EHMT2: variants seen among roughly 807,000 people sequenced by gnomAD.
EHMT2 encodes histone-lysine N-methyltransferase EHMT2.
Under a neutral mutation model 143.3 loss-of-function variants are expected in EHMT2, and 59 were observed. The ratio of observed to expected loss-of-function variants is 0.41; its 90% CI spans 0.33 to 0.51. EHMT2 has a LOEUF of 0.51. Among genes scored for constraint, EHMT2 ranks in the 20% least tolerant of loss-of-function variants. The pLI is 0.18. For synonymous variants in EHMT2, 604 were observed against 651.5 expected, an observed-to-expected ratio of 0.93 and a Z score of 1.11; for missense variants, 1,174 against 1,645.9, an observed-to-expected ratio of 0.71 and a Z score of 4.96.
rs765727409 is a variant in EHMT2 at position 31,888,381 on chromosome 6, G to A, written c.1491C>T (p.Cys497=). ...CACTCACCGCCGTGCAGAAGTAGCC[G>A]CAGCCCGGGCAGCAGTGGTGTTTGA... Residue 497 remains cysteine (C), a synonymous_variant, in exon 12 of 28, where the codon TGC becomes TGT. Transcript: ENST00000375537. The surrounding 1 kb of genome is among the most constrained non-coding windows in gnomAD (Gnocchi z 7.4). 20 of 1,612,558 alleles carry A rather than the reference G, an allele frequency of 1.2e-5. No individual in the cohort carries two copies. Among genetic ancestry groups the A allele is most frequent in the South Asian group, 1.2e-4 (11 of 91,012 alleles).
chr6:31,894,947 T>G (rs75892141), intron 4 of EHMT2, among the ~76,000 whole-genome samples: 262 of 152,358 alleles, frequency 1.7e-3, no homozygotes, highest in African/African-American at 5.8e-3. Flanking sequence ...ACGCCTGGCC[T>G]ACTGTTAGGA....
Position 31,888,512 on chromosome 6 carries a change from C to T in EHMT2, c.1366-6G>A, listed in dbSNP as rs748049270. On this transcript the variant is annotated splice_region_variant and splice_polypyrimidine_tract_variant and intron_variant, in intron 11 of 27. Coordinates refer to ENST00000375537, the Ensembl canonical transcript of EHMT2. This position sits in a 1 kb window ranked among gnomAD's most constrained non-coding sequence, Gnocchi z 7.4. ...GCGGCATTGCAGCCTGACAGCTGTGCGCAGTGAGGATGGGTGAGAAGAGAG... is the reference window on the plus strand; with the variant it reads ...GCGGCATTGCAGCCTGACAGCTGTGTGCAGTGAGGATGGGTGAGAAGAGAG... The T allele has an allele frequency of 1.6e-5, 25 of 1,611,616 alleles. No individual in the cohort carries two copies. Among genetic ancestry groups the T allele is most frequent in the South Asian group, 3.3e-5 (3 of 90,928 alleles).
At position 31,888,815 on chromosome 6, in the gene EHMT2, C is replaced by T. The variant is rs2151628531; in HGVS notation, c.1217-68G>A. Reference sequence around the variant, plus strand: ...CACCTACTGGGACCCCTGGCGGGTCCTCTCACTCCCTCCCTACCCCACCCC... The same window carrying T: ...CACCTACTGGGACCCCTGGCGGGTCTTCTCACTCCCTCCCTACCCCACCCC... On this transcript the variant is annotated intron_variant, in intron 10 of 27. Coordinates refer to ENST00000375537, the Ensembl canonical transcript of EHMT2. This position sits in a 1 kb window ranked among gnomAD's most constrained non-coding sequence, Gnocchi z 7.4. 2 of 1,574,000 alleles carry T rather than the reference C, an allele frequency of 1.3e-6. No individual in the cohort carries two copies. Among genetic ancestry groups the T allele is most frequent in the Non-Finnish European group, 8.6e-7 (1 of 1,160,728 alleles).
intron 4 of EHMT2, chr6:31,895,818 A>G (rs1385919621): frequency 1.8e-5 from 3 of 164,468 alleles, no homozygotes; most frequent in Non-Finnish European, 3.9e-5. Context: ...CAAGAACCCT[A>G]GAACTTGGTC....
At chr6:31,894,685 TGA>T (rs940666360) in intron 4 of EHMT2, among the ~76,000 whole-genome samples, 1 of 152,072 alleles carries the variant, frequency 6.6e-6, no homozygotes, top group African/African-American at 2.4e-5. Flanking sequence ...CTATTTTTTT[TGA>T]GTCTCGCTCT....
chr6:31,895,861 C>G (rs1348072765), intron 4 of EHMT2: 3 of 180,760 alleles, frequency 1.7e-5, no homozygotes, highest in Non-Finnish European at 3.4e-5. Context: ...CACTTCCCTC[C>G]TCTATTATTT....
rs964481118 is a variant in EHMT2 at position 31,880,870 on chromosome 6, C to T, written c.3277-22G>A. 1 of 1,612,742 alleles carries T rather than the reference C, an allele frequency of 6.2e-7. No homozygotes were observed. The highest frequency in any genetic ancestry group is 8.5e-7 in the Non-Finnish European group (1 of 1,179,470). On this transcript the variant is annotated intron_variant, in intron 26 of 27. Coordinates refer to ENST00000375537, the Ensembl canonical transcript of EHMT2. The surrounding 1 kb of genome is among the most constrained non-coding windows in gnomAD (Gnocchi z 6.6). ...CATCCTGGGGCAGGGGGATGGCACT[C>T]TTCACATCTCCCCCGACCCTGCTTG...
At chr6:31,894,226 A>G (rs143076102) in intron 4 of EHMT2, among the ~76,000 whole-genome samples, 263 of 151,394 alleles carry the variant, frequency 1.7e-3, no homozygotes, top group Middle Eastern at 3.4e-3. Flanking sequence ...GGCTAACTAC[A>G]ACCTCTGCCT....
chr6:31,883,748 C>G lies in EHMT2; in HGVS notation c.2916+58G>C, dbSNP rs1293044178. 6.3e-7 allele frequency: 1 copy of G among 1,589,844 alleles called. No homozygotes were observed. Among genetic ancestry groups the G allele is most frequent in the East Asian group, 2.2e-5 (1 of 44,476 alleles). On this transcript the variant is annotated intron_variant, in intron 22 of 27. Transcript: ENST00000375537. This position sits in a 1 kb window ranked among gnomAD's most constrained non-coding sequence, Gnocchi z 5.6. The stretch of plus-strand genomic sequence containing the variant: ...TGCCTTTGCTGGTTTGAAGCTTGTC[C>G]AACTGTACTTGGCAGCTCTCGGTGT...
chr6:31,893,160 G>A (rs1765923116), intron 4 of EHMT2: 2 of 537,274 alleles, frequency 3.7e-6, no homozygotes, highest in South Asian at 5.5e-5. Flanking sequence ...AGAAAACAAA[G>A]CTTAATAAAG....
intron 7 of EHMT2, among the ~76,000 whole-genome samples, chr6:31,890,648 G>C (rs535057052): frequency 6.7e-6 from 1 of 150,354 alleles, no homozygotes; most frequent in Non-Finnish European, 1.5e-5. Context: ...GGCAGATCAC[G>C]AGATCAGGAG....
intron 7 of EHMT2, 38 bp downstream of exon 7, chr6:31,892,369 G>A (rs951072863): frequency 3.1e-6 from 5 of 1,603,682 alleles, no homozygotes; most frequent in South Asian, 1.1e-5. Flanking sequence ...CAGCCCTGGG[G>A]GAGCACCGGC....
chr6:31,886,861 G>A (rs1343952122), exon 17 of EHMT2: 3 of 1,614,108 alleles, frequency 1.9e-6, no homozygotes, highest in Non-Finnish European at 2.5e-6. Context: ...AGTGGCGTCC[G>A]CTGCTGTTTG....
In EHMT2 at chr6:31,889,882, C is replaced by A. The variant is rs1046792893; in HGVS notation, c.865-280G>T. On this transcript the variant is annotated intron_variant, in intron 7 of 27. Coordinates refer to ENST00000375537, the Ensembl canonical transcript of EHMT2. This position sits in a 1 kb window ranked among gnomAD's most constrained non-coding sequence, Gnocchi z 5.1. ...ACCAGAAGATAAACATACTTTGATA[C>A]CCCTTTTATGATGTTCATAAACAGG... 6.6e-6 allele frequency among the ~76,000 whole-genome samples: 1 copy of A among 152,164 alleles called. No individual in the cohort carries two copies. Among genetic ancestry groups the A allele is most frequent in the African/African-American group, 2.4e-5 (1 of 41,432 alleles).
chr6:31,880,965 T>C lies in EHMT2; in HGVS notation c.3276+49A>G, dbSNP rs763674280. The C allele has an allele frequency of 7.5e-6, 12 of 1,610,362 alleles. No individual in the cohort carries two copies. In the Admixed American group the frequency reaches 1.5e-4, roughly 20 times the overall value. ...CATTTGCTGACTTCCCAGAGGCTCC[T>C]GAAAGCCAGCCCTGGGGAGCAGCAG... is the stretch of plus-strand genomic sequence containing the variant. On this transcript the variant is annotated intron_variant, in intron 26 of 27. Transcript: ENST00000375537. This position sits in a 1 kb window ranked among gnomAD's most constrained non-coding sequence, Gnocchi z 6.6.
intron 15 of EHMT2, 122 bp from the exon 16 acceptor site, chr6:31,887,223 G>T: frequency 2.5e-6 from 2 of 788,392 alleles, no homozygotes; most frequent in African/African-American, 1.7e-5. Context: ...GCCCCTCCTG[G>T]CATTCTCCGA....
Position 31,896,995 on chromosome 6 carries a change from A to C in EHMT2, c.43-6T>G, listed in dbSNP as rs928375127. On this transcript the variant is annotated splice_polypyrimidine_tract_variant and splice_region_variant and intron_variant, in intron 1 of 27. Coordinates refer to ENST00000375537, the Ensembl canonical transcript of EHMT2. Reference sequence around the variant, plus strand: ...ATCTCAGCGGGGGCCTCCCCCTGGGAGGGGAGACAAGGGACAGGAGGGCTG... The same window carrying C: ...ATCTCAGCGGGGGCCTCCCCCTGGGCGGGGAGACAAGGGACAGGAGGGCTG... The C allele has an allele frequency of 1.9e-6, 3 of 1,560,462 alleles. No homozygotes were observed. In the African/African-American group the frequency reaches 4.1e-5, roughly 22 times the overall value.
chr6:31,883,026 A>G lies in EHMT2; in HGVS notation c.2995-17T>C, dbSNP rs1316014246. On this transcript the variant is annotated splice_polypyrimidine_tract_variant and intron_variant, in intron 23 of 27. Coordinates refer to ENST00000375537, the Ensembl canonical transcript of EHMT2. The surrounding 1 kb of genome is among the most constrained non-coding windows in gnomAD (Gnocchi z 5.6). ...TCGCCCATCCTAGGGTGCGGAGGGG[A>G]GGATAGTGGTTTCTCTGTGGGGCCC... The G allele has an allele frequency of 6.2e-7, 1 of 1,608,674 alleles. No individual in the cohort carries two copies. The highest frequency in any genetic ancestry group is 1.7e-5 in the Admixed American group (1 of 59,832).
intron 18 of EHMT2, 25 bp from the exon 19 acceptor site, chr6:31,885,041 TG>T: frequency 6.3e-7 from 1 of 1,586,508 alleles, no homozygotes. Flanking sequence ...GGAGTGAGGG[TG>T]GGGGCAGCTG....
Sources: allele counts gnomAD v4.1 joint callset (sites outside exome capture counted in the v4.1 genomes callset), GRCh38; gene constraint gnomAD v4.1.1; non-coding constraint Gnocchi (gnomAD v3.1); transcripts MANE v1.5; gene names NCBI Gene and HGNC (gene_info 2026-07-23, HGNC 2026-07-21).